The following MME variants were observed in gnomAD, a reference collection of about 807,000 sequenced individuals.
MME encodes the protein membrane metalloendopeptidase, also known as neprilysin.
In MME, 98 loss-of-function variants were observed where a neutral mutation model predicts 113.2. That is an observed-to-expected ratio of 0.87 (90% confidence interval 0.74 to 1.02). The LOEUF is 1.02. Ranked by LOEUF, MME falls within the 50% of genes least tolerant of loss-of-function variation. MME has a pLI of 0.00. For synonymous variants in MME, 292 were observed against 300.6 expected (o/e 0.97, Z 0.30); for missense variants, 836 against 896.0 (o/e 0.93, Z 0.86).
upstream of MME, among the ~76,000 whole-genome samples, chr3:155,079,144 CG>C (rs985917897): frequency 3.1e-4 from 47 of 150,424 alleles, no homozygotes; most frequent in African/African-American, 1.1e-3. Flanking sequence ...AAGAGGGAAG[CG>C]GGGTGGAGAA....
At chr3:155,027,571 T>C (rs752026835) in intron 1 of MME, among the ~76,000 whole-genome samples, 1 of 152,212 alleles carries the variant, frequency 6.6e-6, no homozygotes, top group African/African-American at 2.4e-5. Flanking sequence ...TCTTCCTCCT[T>C]TCCCTGATCT....
At chr3:155,094,790 C>T (rs1279397983) in intron 3 of MME, among the ~76,000 whole-genome samples, 1 of 152,152 alleles carries the variant, frequency 6.6e-6, no homozygotes, top group Middle Eastern at 3.2e-3. Flanking sequence ...GTTTGTAAAC[C>T]TAGCTAATCT....
chr3:155,024,431 C>T (rs1159839438), intron 1 of MME: 1 of 152,200 alleles, frequency 6.6e-6, no homozygotes, highest in African/African-American at 2.4e-5. Flanking sequence ...TAGCATTTCA[C>T]TTTATGCAGC....
intron 4 of MME, 131 bp from the exon 5 acceptor site, chr3:155,116,348 C>T: frequency 2.8e-6 from 2 of 715,240 alleles, no homozygotes; most frequent in Non-Finnish European, 2.5e-6. Flanking sequence ...ATGAATGTAC[C>T]TCCAGAAAAG....
chr3:155,084,109 T>C (rs1715425175), intron 1 of MME, 49 bp from the exon 2 acceptor site: 2 of 1,431,322 alleles, frequency 1.4e-6, no homozygotes, highest in South Asian at 1.2e-5. Flanking sequence ...TTGGACATTT[T>C]CTTTTTTATT....
At chr3:155,049,627 ATATC>A (rs56832533) in intron 1 of MME, among the ~76,000 whole-genome samples, 65,452 of 146,872 alleles carry the variant, frequency 0.45, 14,402 homozygotes, top group East Asian at 0.5. Context: ...TCATCTTAGT[ATATC>A]TATCTATCTA....
At chr3:155,104,053 T>C (rs774789242) in intron 3 of MME, among the ~76,000 whole-genome samples, 54 of 152,146 alleles carry the variant, frequency 3.5e-4, no homozygotes, top group Non-Finnish European at 1.2e-4. Flanking sequence ...ACCTTTCATA[T>C]CTAGATATAG....
In MME at chr3:155,142,217, C is replaced by G. The variant is rs201833300; in HGVS notation, c.1095-20C>G. On this transcript the variant is annotated intron_variant, in intron 11 of 22. Transcript: ENST00000360490. ...CAGCCTCATCTTTTCTGTTGCTGGG[C>G]GGTGGTTTTTTTTATACAGAGATCT... 1.9e-6 allele frequency: 3 copies of G among 1,611,614 alleles called. No homozygotes were observed. Among genetic ancestry groups the G allele is most frequent in the Non-Finnish European group, 1.7e-6 (2 of 1,178,014 alleles).
chr3:155,098,239 T>C (rs1203032977), intron 3 of MME, among the ~76,000 whole-genome samples: 2 of 151,806 alleles, frequency 1.3e-5, no homozygotes, highest in African/African-American at 4.8e-5. Context: ...GGACAGAAGA[T>C]ATAAAAGAAA....
chr3:155,132,283 T>G (rs1720204515), intron 8 of MME, among the ~76,000 whole-genome samples: 1 of 152,166 alleles, frequency 6.6e-6, no homozygotes, highest in East Asian at 1.9e-4. Flanking sequence ...CTAACAAACA[T>G]CAGGCTTTTT....
chr3:155,130,591 G>A (rs1267031336), intron 8 of MME, among the ~76,000 whole-genome samples: 4 of 152,110 alleles, frequency 2.6e-5, no homozygotes, highest in East Asian at 1.9e-4. Context: ...GCCAGAAAGC[G>A]ATGACCCAGA....
chr3:155,046,564 C>A (rs1713569313), intron 1 of MME, among the ~76,000 whole-genome samples: 1 of 152,134 alleles, frequency 6.6e-6, no homozygotes, highest in African/African-American at 2.4e-5. Context: ...GTGGTGGGCA[C>A]CTGTAATCCC....
intron 22 of MME, among the ~76,000 whole-genome samples, chr3:155,178,712 A>C (rs1323542304): frequency 6.6e-6 from 1 of 152,166 alleles, no homozygotes; most frequent in African/African-American, 2.4e-5. Context: ...TAGTATTTGC[A>C]TATAACCTAT....
chr3:155,098,953 G>A (rs1716977890), intron 3 of MME, among the ~76,000 whole-genome samples: 1 of 152,086 alleles, frequency 6.6e-6, no homozygotes, highest in Admixed American at 6.5e-5. Context: ...GAATGCCTCT[G>A]GAGTCAGTAG....
chr3:155,116,498 A>T lies in MME; in HGVS notation c.378A>T (p.Lys126Asn), dbSNP rs746723545. Residue 126 changes from lysine (K) to asparagine (N), a missense_variant, in exon 5 of 23, where the codon AAA becomes AAT. Physicochemically the swap from Lys to Asn is moderately conservative, Grantham distance 94. Transcript: ENST00000360490. ...TTTCAGATGTCCTTCAAGAACCCAA[A>T]ACTGAAGATATAGTAGCAGTGCAGA... is the stretch of plus-strand genomic sequence containing the variant. Reference protein sequence around the residue: ...VVLKDVLQEPKTEDIVAVQKA... With the variant: ...VVLKDVLQEPNTEDIVAVQKA... 3.1e-6 allele frequency: 5 copies of T among 1,612,152 alleles called. No individual in the cohort carries two copies. Among genetic ancestry groups the T allele is most frequent in the Non-Finnish European group, 4.2e-6 (5 of 1,178,604 alleles).
At chr3:155,106,317 C>T (rs146910263) in intron 3 of MME, among the ~76,000 whole-genome samples, 251 of 152,296 alleles carry the variant, frequency 1.6e-3, no homozygotes, top group African/African-American at 5.7e-3. Context: ...AAATGATAAA[C>T]TAGCAGTCCA....
intron 1 of MME, among the ~76,000 whole-genome samples, chr3:155,058,376 A>G (rs1306458492): frequency 6.6e-6 from 1 of 152,326 alleles, no homozygotes; most frequent in Middle Eastern, 3.4e-3. Context: ...AAGACTCTGG[A>G]CAAAGTCCAG....
chr3:155,170,095 G>T (rs530777425), intron 20 of MME, among the ~76,000 whole-genome samples: 3 of 152,266 alleles, frequency 2.0e-5, no homozygotes, highest in East Asian at 3.9e-4. Flanking sequence ...GCCCAGGCTG[G>T]AATGCAGTGG....
At chr3:155,167,048 G>C (rs201931351) in intron 18 of MME, 27 bp downstream of exon 18, 19 of 1,612,824 alleles carry the variant, frequency 1.2e-5, no homozygotes, top group Non-Finnish European at 1.6e-5. Context: ...ATTTTCCTTT[G>C]GCTGAGGTAT....
Sources: gnomAD v4.1 joint callset for allele counts (sites outside exome capture counted in the v4.1 genomes callset) on GRCh38, gnomAD v4.1.1 for gene constraint, MANE v1.5 for transcripts, NCBI Gene and HGNC (gene_info 2026-07-23, HGNC 2026-07-21) for gene names.